KDM4C: variants seen among roughly 807,000 people sequenced by gnomAD.
The protein encoded by KDM4C is lysine demethylase 4C, also known as lysine-specific demethylase 4C.
In KDM4C, 81 loss-of-function variants were observed where a neutral mutation model predicts 129.3. The ratio of observed to expected loss-of-function variants is 0.63; its 90% CI spans 0.52 to 0.75. KDM4C has a LOEUF of 0.75. KDM4C is among the 30% of genes least tolerant of loss of function. The pLI, the probability that KDM4C is intolerant of heterozygous loss-of-function variation, is 0.00. For missense variants in KDM4C, 1,457 were observed against 1,304.0 expected (o/e 1.12, Z -1.81); for synonymous variants, 573 against 456.1 (o/e 1.26, Z -3.26).
chr9:7,173,965 C>G (rs572134568), intron 21 of KDM4C, among the ~76,000 whole-genome samples: 1 of 152,080 alleles, frequency 6.6e-6, no homozygotes, highest in Non-Finnish European at 1.5e-5. Flanking sequence ...CTTAGGGCAT[C>G]GTAGTTGAGC....
chr9:6,734,288 G>GTTTTTTTT (rs57329090), intron 1 of KDM4C, among the ~76,000 whole-genome samples: 2 of 110,296 alleles, frequency 1.8e-5, no homozygotes, highest in Non-Finnish European at 3.6e-5. Flanking sequence ...CCCATGTTTG[G>GTTTTTTTT]TTTTTTTTTT....
chr9:7,018,224 A>G (rs1002787966), intron 15 of KDM4C, among the ~76,000 whole-genome samples: 1 of 152,088 alleles, frequency 6.6e-6, no homozygotes, highest in Non-Finnish European at 1.5e-5. Flanking sequence ...TAGTGTAGGC[A>G]ATTTTAACAC....
At chr9:7,084,434 A>G (rs75732659) in intron 17 of KDM4C, among the ~76,000 whole-genome samples, 8,596 of 152,268 alleles carry the variant, frequency 0.056, 759 homozygotes, top group African/African-American at 0.19. Flanking sequence ...TCTATTATGA[A>G]GTGCTTTTAG....
intron 8 of KDM4C, among the ~76,000 whole-genome samples, chr9:6,953,106 C>T (rs1388689042): frequency 3.9e-5 from 6 of 152,084 alleles, no homozygotes; most frequent in Non-Finnish European, 1.5e-5. Context: ...AATTCCTTGC[C>T]AACGTTTCTC....
At chr9:6,951,222 C>G (rs1368574051) in intron 8 of KDM4C, among the ~76,000 whole-genome samples, 1 of 152,092 alleles carries the variant, frequency 6.6e-6, no homozygotes, top group Non-Finnish European at 1.5e-5. Context: ...TTATATATTT[C>G]TATTAACTAT....
chr9:6,765,290 G>T (rs2130515450), intron 1 of KDM4C, among the ~76,000 whole-genome samples: 1 of 152,202 alleles, frequency 6.6e-6, no homozygotes, highest in East Asian at 1.9e-4. Flanking sequence ...TGAATGTGCT[G>T]TTTTTTGCCT....
intron 5 of KDM4C, among the ~76,000 whole-genome samples, chr9:6,873,008 C>G (rs913765319): frequency 1.3e-5 from 2 of 152,026 alleles, no homozygotes; most frequent in Admixed American, 6.6e-5. Context: ...CTCATTGCAA[C>G]CTCCGCCTCC....
intron 19 of KDM4C, among the ~76,000 whole-genome samples, chr9:7,137,357 T>C (rs1841322229): frequency 6.6e-6 from 1 of 152,232 alleles, no homozygotes; most frequent in Non-Finnish European, 1.5e-5. Flanking sequence ...ATAAACATTA[T>C]GAAAATTCTT....
chr9:6,793,215 G>A (rs1827055538), intron 2 of KDM4C, 83 bp downstream of exon 2: 3 of 1,461,868 alleles, frequency 2.1e-6, no homozygotes, highest in Non-Finnish European at 2.8e-6. Context: ...TTGGGACATT[G>A]TTTCTGAAGG....
intron 15 of KDM4C, among the ~76,000 whole-genome samples, chr9:7,019,883 G>A (rs923693249): frequency 1.3e-5 from 2 of 151,186 alleles, no homozygotes; most frequent in African/African-American, 4.9e-5. Context: ...GCTTCAGCCT[G>A]GGCAAAACAG....
chr9:7,157,409 G>A (rs1046766050), intron 19 of KDM4C, among the ~76,000 whole-genome samples: 14 of 152,196 alleles, frequency 9.2e-5, no homozygotes, highest in East Asian at 5.8e-4. Context: ...GAGTGGTGAG[G>A]GAGGGCATCC....
intron 12 of KDM4C, among the ~76,000 whole-genome samples, chr9:6,996,212 A>G (rs1002053478): frequency 3.3e-5 from 5 of 152,174 alleles, no homozygotes; most frequent in Admixed American, 3.3e-4. Flanking sequence ...GCTTCTTCTC[A>G]CTAGCATTCT....
chr9:6,873,177 A>G (rs1222809639), intron 5 of KDM4C, among the ~76,000 whole-genome samples: 2 of 152,116 alleles, frequency 1.3e-5, no homozygotes, highest in African/African-American at 4.8e-5. Context: ...TTGTATTTTT[A>G]GTAGAGACGG....
intron 15 of KDM4C, among the ~76,000 whole-genome samples, chr9:7,033,771 A>G (rs1407861): frequency 0.19 from 28,439 of 152,170 alleles, 3,611 homozygotes; most frequent in African/African-American, 0.35. Flanking sequence ...ATTAATCTTT[A>G]GTGCTTCAAC....
chr9:7,014,256 G>A, intron 14 of KDM4C: 2 of 350,170 alleles, frequency 5.7e-6, no homozygotes, highest in African/African-American at 2.8e-5. Context: ...GTCCAGTTGA[G>A]GAGTCATGAT....
chr9:6,759,048 A>G (rs1818865347), intron 1 of KDM4C, among the ~76,000 whole-genome samples: 1 of 152,182 alleles, frequency 6.6e-6, no homozygotes, highest in African/African-American at 2.4e-5. Flanking sequence ...TGTGGGCAAT[A>G]CTACCGGGAG....
chr9:6,937,625 A>G (rs534477013), intron 8 of KDM4C, among the ~76,000 whole-genome samples: 20 of 152,140 alleles, frequency 1.3e-4, no homozygotes, highest in Non-Finnish European at 1.9e-4. Flanking sequence ...CTTCACCACA[A>G]CACTAGCTAC....
chr9:6,789,641 C>T lies in KDM4C; in HGVS notation c.-17-3331C>T, dbSNP rs191760577. ...TCGACCTCTCAAAGTGCTGGGATTA[C>T]AGGTGTGAGCCACCGTGCCTGGACC... On this transcript the variant is annotated intron_variant, in intron 1 of 21. Transcript: ENST00000381309. Among the ~76,000 whole-genome samples, 53 of 152,092 alleles carry T rather than the reference C, an allele frequency of 3.5e-4. No individual in the cohort carries two copies. In the East Asian group the frequency reaches 0.01, roughly 29 times the overall value.
intron 4 of KDM4C, among the ~76,000 whole-genome samples, chr9:6,826,508 C>T (rs1475823746): frequency 6.6e-6 from 1 of 152,114 alleles, no homozygotes; most frequent in African/African-American, 2.4e-5. Flanking sequence ...TATCCCCCTT[C>T]TGTTTGACCC....
Sources: allele counts gnomAD v4.1 joint callset (sites outside exome capture counted in the v4.1 genomes callset), GRCh38; gene constraint gnomAD v4.1.1; transcripts MANE v1.5; gene names NCBI Gene and HGNC (gene_info 2026-07-23, HGNC 2026-07-21).